The following AKAP19 variants were observed in gnomAD, a reference collection of about 807,000 sequenced individuals.
The protein encoded by AKAP19 is small A-kinase anchoring protein.
chr2:189,958,388 A>G, the AKAP19 span, among the ~76,000 whole-genome samples: 18 of 152,162 alleles, frequency 1.2e-4, no homozygotes, highest in African/African-American at 3.4e-4. Flanking sequence ...TGACAGGAAT[A>G]TGGAGCAATT....
At chr2:190,193,895 T>A in the AKAP19 span, among the ~76,000 whole-genome samples, 1 of 152,188 alleles carries the variant, frequency 6.6e-6, no homozygotes, top group Non-Finnish European at 1.5e-5. Context: ...TGATTTAAAC[T>A]TTTCTTCTTT....
At chr2:190,162,326 C>T in the AKAP19 span, among the ~76,000 whole-genome samples, 7 of 151,970 alleles carry the variant, frequency 4.6e-5, no homozygotes, top group African/African-American at 1.7e-4. Flanking sequence ...ATTCTTCTCC[C>T]CAGCCACTCT....
the AKAP19 span, among the ~76,000 whole-genome samples, chr2:189,973,547 T>G: frequency 1.3e-5 from 2 of 152,218 alleles, no homozygotes; most frequent in East Asian, 3.8e-4. Flanking sequence ...TGGAATAGTT[T>G]CAGAAGGAGT....
the AKAP19 span, among the ~76,000 whole-genome samples, chr2:189,964,537 G>A: frequency 3.3e-5 from 5 of 152,164 alleles, no homozygotes; most frequent in Non-Finnish European, 5.9e-5. Context: ...TCCAATAGAA[G>A]TATTTTTTGT....
chr2:190,125,662 A>G, the AKAP19 span, among the ~76,000 whole-genome samples: 8 of 152,194 alleles, frequency 5.3e-5, no homozygotes, highest in Admixed American at 2.6e-4. Flanking sequence ...AATCTGTCAC[A>G]TAAAGATCAT....
chr2:190,054,584 C>A, the AKAP19 span, among the ~76,000 whole-genome samples: 1 of 152,206 alleles, frequency 6.6e-6, no homozygotes, highest in Non-Finnish European at 1.5e-5. Context: ...GCAACCTACT[C>A]ATCTGACAAA....
chr2:189,950,028 G>GTTTTTT, the AKAP19 span, among the ~76,000 whole-genome samples: 67 of 113,956 alleles, frequency 5.9e-4, 5 homozygotes, highest in African/African-American at 1.2e-3. Flanking sequence ...TTGGTTTTGG[G>GTTTTTT]TTTTTTTTTT....
At chr2:190,141,091 C>G in the AKAP19 span, among the ~76,000 whole-genome samples, 57 of 152,304 alleles carry the variant, frequency 3.7e-4, 1 homozygote, top group East Asian at 0.01. Context: ...CTGAGACCAC[C>G]TCAGCCTGGA....
the AKAP19 span, among the ~76,000 whole-genome samples, chr2:190,153,308 T>C: frequency 6.6e-6 from 1 of 152,246 alleles, no homozygotes; most frequent in Non-Finnish European, 1.5e-5. Context: ...CATTTTCATT[T>C]GGTATCTGTT....
At chr2:190,092,207 T>C in the AKAP19 span, among the ~76,000 whole-genome samples, 1 of 150,142 alleles carries the variant, frequency 6.7e-6, no homozygotes, top group Admixed American at 6.6e-5. Context: ...ATTATCTGGA[T>C]GCTAATTTGT....
At chr2:190,084,854 T>C in the AKAP19 span, among the ~76,000 whole-genome samples, 1 of 152,238 alleles carries the variant, frequency 6.6e-6, no homozygotes, top group African/African-American at 2.4e-5. Context: ...TGAAAAGGGT[T>C]TTATCTGGGG....
the AKAP19 span, among the ~76,000 whole-genome samples, chr2:190,068,095 A>G: frequency 6.6e-6 from 1 of 152,040 alleles, no homozygotes; most frequent in Non-Finnish European, 1.5e-5. Context: ...GACCCTCTCT[A>G]AAAAAACAAA....
At chr2:190,074,424 G>T in the AKAP19 span, among the ~76,000 whole-genome samples, 1 of 152,042 alleles carries the variant, frequency 6.6e-6, no homozygotes, top group Non-Finnish European at 1.5e-5. Flanking sequence ...AAGCTGAGGC[G>T]GGTGGACCAT....
chr2:190,101,555 TCAC>T, the AKAP19 span, among the ~76,000 whole-genome samples: 1 of 151,954 alleles, frequency 6.6e-6, no homozygotes, highest in African/African-American at 2.4e-5. Flanking sequence ...CTCAGGCAGA[TCAC>T]CAGGCATTCA....
chr2:190,052,683 C>T, the AKAP19 span, among the ~76,000 whole-genome samples: 107 of 152,242 alleles, frequency 7.0e-4, no homozygotes, highest in African/African-American at 2.3e-3. Flanking sequence ...AGAGAAAAAA[C>T]CCTTAACACT....
chr2:189,974,605 T>A, the AKAP19 span, among the ~76,000 whole-genome samples: 1 of 152,198 alleles, frequency 6.6e-6, no homozygotes, highest in East Asian at 1.9e-4. Context: ...TATTATTGTG[T>A]GGGAGTCTAA....
chr2:190,143,174 T>G, the AKAP19 span, among the ~76,000 whole-genome samples: 3 of 151,828 alleles, frequency 2.0e-5, no homozygotes, highest in African/African-American at 4.8e-5. Context: ...ACCTTGTTTT[T>G]CAGGGTTTTA....
At chr2:190,099,664 A>G in the AKAP19 span, among the ~76,000 whole-genome samples, 2 of 152,252 alleles carry the variant, frequency 1.3e-5, no homozygotes, top group South Asian at 2.1e-4. Flanking sequence ...CACAAACTCA[A>G]TTTGTAAAAA....
chr2:189,961,381 C>T, the AKAP19 span, among the ~76,000 whole-genome samples: 2 of 152,124 alleles, frequency 1.3e-5, no homozygotes, highest in Non-Finnish European at 2.9e-5. Flanking sequence ...CATAGGAGTG[C>T]ACTTATACTA....
Sources: gnomAD v4.1 joint callset for allele counts (sites outside exome capture counted in the v4.1 genomes callset) on GRCh38, gnomAD v4.1.1 for gene constraint, MANE v1.5 for transcripts, NCBI Gene and HGNC (gene_info 2026-07-23, HGNC 2026-07-21) for gene names.